Variants in COL23A1 observed in about 807,000 individuals in gnomAD.
The protein encoded by COL23A1 is collagen alpha-1(XXIII) chain.
A neutral mutation model predicts 99.3 loss-of-function variants in COL23A1; 97 were observed. The observed-to-expected ratio is 0.98, with a 90% CI of 0.83 to 1.16. The LOEUF is 1.16. Ranked by LOEUF, COL23A1 falls within the 50% of genes most tolerant of loss-of-function variation. COL23A1 has a pLI of 0.00. For synonymous variants in COL23A1, 320 were observed against 308.2 expected (o/e 1.04, Z -0.40); for missense variants, 762 against 757.4 (o/e 1.01, Z -0.07).
chr5:178,361,573 C>T (rs1762176523), intron 2 of COL23A1, among the ~76,000 whole-genome samples: 1 of 152,184 alleles, frequency 6.6e-6, no homozygotes, highest in Non-Finnish European at 1.5e-5. Flanking sequence ...AACCCCTGGC[C>T]CCCTGGCCTT....
At chr5:178,462,333 C>G (rs1164675761) in intron 2 of COL23A1, among the ~76,000 whole-genome samples, 1 of 152,200 alleles carries the variant, frequency 6.6e-6, no homozygotes, top group Non-Finnish European at 1.5e-5. Flanking sequence ...ATTCAACATT[C>G]TTCTGTCACT....
chr5:178,376,401 G>A lies in COL23A1; in HGVS notation c.362-69482C>T, dbSNP rs142625032. On this transcript the variant is annotated intron_variant, in intron 2 of 28. Coordinates refer to ENST00000390654, the MANE Select transcript of COL23A1 (RefSeq NM_173465.4). ...AGGTGGGACATGATGGCTCAGAGAG[G>A]TTAGGTGACCTGCCCCAGGGACCAC... Among the ~76,000 whole-genome samples, 1,081 of 152,322 alleles carry A rather than the reference G, an allele frequency of 7.1e-3. 2 individuals carry two copies. Among genetic ancestry groups the A allele is most frequent in the Non-Finnish European group, 0.012 (806 of 68,022 alleles).
intron 1 of COL23A1, among the ~76,000 whole-genome samples, chr5:178,581,850 A>G (rs1051886724): frequency 1.3e-5 from 2 of 152,166 alleles, no homozygotes; most frequent in African/African-American, 4.8e-5. Context: ...AATGTGTCTG[A>G]TGTACAGTTT....
chr5:178,589,943 G>A lies in COL23A1; in HGVS notation c.255C>T (p.Asp85=). ...LRRAGPPGAL[D]AWAEPHLERL... ...GCTCCAGGTGCGGCTCGGCCCAGGCGTCCAGGGCGCCTGGCGGCCCCGCGC... is the reference window on the plus strand; with the variant it reads ...GCTCCAGGTGCGGCTCGGCCCAGGCATCCAGGGCGCCTGGCGGCCCCGCGC... The change falls in exon 1 of 29, where the codon GAC becomes GAT. Residue 85 remains aspartate (D), a synonymous_variant. Coordinates refer to ENST00000390654, the MANE Select transcript of COL23A1 (RefSeq NM_173465.4). This position sits in a 1 kb window ranked among gnomAD's most constrained non-coding sequence, Gnocchi z 5.4. The A allele has an allele frequency of 1.5e-6, 2 of 1,331,172 alleles. No homozygotes were observed. Among genetic ancestry groups the A allele is most frequent in the South Asian group, 2.0e-5 (1 of 49,760 alleles). 82.5% of individuals were successfully genotyped at this position (1,331,172 alleles called of 1,614,324 possible).
At chr5:178,243,837 T>C (rs1184048300) in intron 25 of COL23A1, among the ~76,000 whole-genome samples, 1 of 152,202 alleles carries the variant, frequency 6.6e-6, no homozygotes, top group Non-Finnish European at 1.5e-5. Context: ...GGAGTCTCCT[T>C]AGCTCCACCC....
chr5:178,508,905 T>C (rs1188076688), intron 2 of COL23A1, among the ~76,000 whole-genome samples: 1 of 152,218 alleles, frequency 6.6e-6, no homozygotes, highest in Non-Finnish European at 1.5e-5. Context: ...GTTTTATATA[T>C]AATGTCCAGG....
At chr5:178,405,913 G>A (rs1371111458) in intron 2 of COL23A1, among the ~76,000 whole-genome samples, 1 of 152,168 alleles carries the variant, frequency 6.6e-6, no homozygotes, top group Non-Finnish European at 1.5e-5. Flanking sequence ...GATCAGCCTG[G>A]ACAACACAGT....
chr5:178,370,492 C>G (rs1762739589), intron 2 of COL23A1, among the ~76,000 whole-genome samples: 1 of 152,106 alleles, frequency 6.6e-6, no homozygotes, highest in Non-Finnish European at 1.5e-5. Flanking sequence ...AGAGAGGCTT[C>G]AGAAACTTGG....
rs1003722337 is a variant in COL23A1, at chr5:178,544,843, T to C, written c.361+15839A>G. Among the ~76,000 whole-genome samples the C allele has an allele frequency of 3.9e-5, 6 of 152,088 alleles. No individual in the cohort carries two copies. Among genetic ancestry groups the C allele is most frequent in the African/African-American group, 1.4e-4 (6 of 41,410 alleles). The stretch of plus-strand genomic sequence containing the variant: ...TGGGAGGCCAAAGCGGGTGGATTGG[T>C]GGAGCCCAGGAGTTTGAGACCAGGG... On this transcript the variant is annotated intron_variant, in intron 2 of 28. Transcript: ENST00000390654. This position sits in a 1 kb window ranked among gnomAD's most constrained non-coding sequence, Gnocchi z 4.4.
chr5:178,355,529 G>C (rs1431681946), intron 2 of COL23A1, among the ~76,000 whole-genome samples: 1 of 152,174 alleles, frequency 6.6e-6, no homozygotes, highest in Admixed American at 6.5e-5. Context: ...ATAAAGAAAA[G>C]AGGTTTGTTT....
chr5:178,505,114 G>A (rs1758789402), intron 2 of COL23A1, among the ~76,000 whole-genome samples: 1 of 152,206 alleles, frequency 6.6e-6, no homozygotes, highest in African/African-American at 2.4e-5. Context: ...ATGGCTGAGG[G>A]AGGGGTCTGG....
intron 2 of COL23A1, among the ~76,000 whole-genome samples, chr5:178,433,115 C>T (rs111420409): frequency 3.3e-5 from 5 of 152,226 alleles, no homozygotes; most frequent in Middle Eastern, 3.4e-3. Flanking sequence ...TCAGTTCCAT[C>T]CTGACACTAC....
At chr5:178,284,459 T>C (rs1270638958) in intron 5 of COL23A1, among the ~76,000 whole-genome samples, 1 of 152,208 alleles carries the variant, frequency 6.6e-6, no homozygotes, top group Non-Finnish European at 1.5e-5. Context: ...TTATTCATTG[T>C]TGGTGGGAAT....
intron 18 of COL23A1, among the ~76,000 whole-genome samples, chr5:178,249,742 TC>T (rs1232170262): frequency 2.8e-5 from 4 of 142,248 alleles, no homozygotes; most frequent in Non-Finnish European, 6.1e-5. Flanking sequence ...TCTCTCTCTC[TC>T]TCTCTCTCGA....
intron 2 of COL23A1, among the ~76,000 whole-genome samples, chr5:178,440,321 T>C (rs1015276521): frequency 1.1e-4 from 16 of 152,156 alleles, no homozygotes; most frequent in Non-Finnish European, 1.9e-4. Context: ...TCCAGGCTCA[T>C]GACCCCCTCT....
At chr5:178,585,751 T>TAACGCCCTACAGCAC (rs1562115782) in intron 1 of COL23A1, among the ~76,000 whole-genome samples, 1 of 5,210 alleles carries the variant, frequency 1.9e-4, no homozygotes, top group African/African-American at 3.6e-4. Flanking sequence ...GCTGACCCTG[T>TAACGCCCTACAGCAC]TGGTTGCTCC....
At chr5:178,357,903 CTAA>C (rs1561895078) in intron 2 of COL23A1, among the ~76,000 whole-genome samples, 2 of 110,408 alleles carry the variant, frequency 1.8e-5, no homozygotes, top group African/African-American at 3.5e-5. Context: ...GTATGTGTGT[CTAA>C]TGTGTGTGTA....
chr5:178,390,924 G>GA (rs1409762403), intron 2 of COL23A1, among the ~76,000 whole-genome samples: 1 of 152,240 alleles, frequency 6.6e-6, no homozygotes, highest in African/African-American at 2.4e-5. Flanking sequence ...AGGAGCAATA[G>GA]ATAAACTGGA....
At chr5:178,248,977 A>T in intron 19 of COL23A1, 140 bp downstream of exon 19, 2 of 775,912 alleles carry the variant, frequency 2.6e-6, no homozygotes, top group Non-Finnish European at 4.4e-6. Context: ...CAGAGCCTAG[A>T]GTGTCCCCGG....
Sources: allele counts gnomAD v4.1 joint callset (sites outside exome capture counted in the v4.1 genomes callset), GRCh38; gene constraint gnomAD v4.1.1; non-coding constraint Gnocchi (gnomAD v3.1); transcripts MANE v1.5; gene names NCBI Gene and HGNC (gene_info 2026-07-23, HGNC 2026-07-21).